Variants in GINS1 observed in about 807,000 individuals in gnomAD.
The protein encoded by GINS1 is DNA replication complex GINS protein PSF1.
Under a neutral mutation model 34.9 loss-of-function variants are expected in GINS1, and 26 were observed. That is an observed-to-expected ratio of 0.74 (90% CI 0.55 to 1.03). GINS1 has a LOEUF of 1.03. GINS1 is among the 50% of genes least tolerant of loss of function. The pLI, the probability that GINS1 is intolerant of heterozygous loss-of-function variation, is 0.00. For synonymous variants in GINS1, 97 were observed against 84.4 expected, an observed-to-expected ratio of 1.15 and a Z score of -0.82; for missense variants, 235 against 237.9, an observed-to-expected ratio of 0.99 and a Z score of 0.08.
At chr20:25,420,149 T>C (rs888923889) in intron 4 of GINS1, among the ~76,000 whole-genome samples, 1 of 152,068 alleles carries the variant, frequency 6.6e-6, no homozygotes, top group African/African-American at 2.4e-5. Context: ...TATATATTTT[T>C]TTGAGATGGA....
chr20:25,421,912 A>C (rs2090357769), intron 4 of GINS1, among the ~76,000 whole-genome samples: 1 of 152,188 alleles, frequency 6.6e-6, no homozygotes, highest in East Asian at 1.9e-4. Flanking sequence ...TGTTTGACTC[A>C]TTTGGCAAGA....
At chr20:25,431,657 G>A (rs1477881232) in intron 5 of GINS1, among the ~76,000 whole-genome samples, 5 of 147,550 alleles carry the variant, frequency 3.4e-5, no homozygotes, top group South Asian at 2.1e-4. Flanking sequence ...TTCATCCTCC[G>A]CCTCCAGGGT....
At chr20:25,414,046 C>G (rs948202665) in intron 2 of GINS1, among the ~76,000 whole-genome samples, 192 bp downstream of exon 2, 1 of 151,692 alleles carries the variant, frequency 6.6e-6, no homozygotes, top group African/African-American at 2.4e-5. Flanking sequence ...AAAAATTAAC[C>G]GGGTGTGGTA....
At chr20:25,432,204 T>C (rs1486545849) in intron 5 of GINS1, among the ~76,000 whole-genome samples, 1 of 152,112 alleles carries the variant, frequency 6.6e-6, no homozygotes, top group African/African-American at 2.4e-5. Context: ...ATGTAGGTGT[T>C]TATGTTTGTA....
chr20:25,429,613 C>T (rs2090415898), intron 5 of GINS1, among the ~76,000 whole-genome samples: 1 of 151,888 alleles, frequency 6.6e-6, no homozygotes, highest in African/African-American at 2.4e-5. Context: ...TTTTTATTTT[C>T]AGATTGTTCG....
intron 5 of GINS1, among the ~76,000 whole-genome samples, chr20:25,427,234 G>A (rs535498228): frequency 7.9e-5 from 12 of 152,094 alleles, no homozygotes; most frequent in African/African-American, 1.2e-4. Flanking sequence ...GCGCGATCTC[G>A]GCTCAACCTG....
intron 4 of GINS1, among the ~76,000 whole-genome samples, chr20:25,422,608 T>C (rs985730670): frequency 6.6e-6 from 1 of 151,940 alleles, no homozygotes; most frequent in Non-Finnish European, 1.5e-5. Context: ...ACAAAAAAAC[T>C]TGCCATTTAC....
chr20:25,407,807 G>A lies in GINS1; in HGVS notation c.-14G>A, dbSNP rs763863741. On this transcript the variant is annotated 5_prime_UTR_variant, in exon 1 of 7. Transcript: ENST00000262460. ...TGGTGGTTGGCAAGGCCGCGGGAGTGGGAAGCGTCCGCCATGTTCTGCGAA... is the reference window on the plus strand; with the variant it reads ...TGGTGGTTGGCAAGGCCGCGGGAGTAGGAAGCGTCCGCCATGTTCTGCGAA... 9.9e-6 allele frequency: 16 copies of A among 1,612,436 alleles called. No homozygotes were observed. The Admixed American group carries it at 2.3e-4, about 24-fold the overall frequency.
intron 4 of GINS1, among the ~76,000 whole-genome samples, chr20:25,420,135 T>A (rs1195322168): frequency 2.0e-5 from 3 of 151,966 alleles, no homozygotes; most frequent in Non-Finnish European, 2.9e-5. Context: ...GCAAATAAAA[T>A]ATATATATAT....
chr20:25,409,208 G>A (rs975597359), intron 1 of GINS1, among the ~76,000 whole-genome samples: 24 of 152,222 alleles, frequency 1.6e-4, no homozygotes, highest in Admixed American at 3.9e-4. Flanking sequence ...CACTTATAAG[G>A]CATGCTGGGA....
chr20:25,418,032 C>T, intron 3 of GINS1, 73 bp from the exon 4 acceptor site: 1 of 828,178 alleles, frequency 1.2e-6, no homozygotes, highest in Non-Finnish European at 2.2e-6. Context: ...GTGTTTGCAT[C>T]AGGGGCCAAA....
intron 5 of GINS1, among the ~76,000 whole-genome samples, chr20:25,439,689 T>C (rs2090472137): frequency 6.6e-6 from 1 of 152,128 alleles, no homozygotes; most frequent in Admixed American, 6.6e-5. Context: ...ACTAGATAGT[T>C]CATGATACTA....
chr20:25,411,852 A>G (rs2090287281), intron 1 of GINS1, among the ~76,000 whole-genome samples: 1 of 151,988 alleles, frequency 6.6e-6, no homozygotes. Context: ...AGGCAGGAGA[A>G]TCATTGCTTG....
At chr20:25,409,358 G>T (rs375697513) in intron 1 of GINS1, among the ~76,000 whole-genome samples, 1 of 152,350 alleles carries the variant, frequency 6.6e-6, no homozygotes, top group South Asian at 2.1e-4. Flanking sequence ...GATAGAGCAG[G>T]TGAGAGGTGT....
rs80329351 is a variant in GINS1, at chr20:25,427,637, C to T, written c.447+2310C>T. 3.6e-3 allele frequency among the ~76,000 whole-genome samples: 552 copies of T among 152,082 alleles called. 5 individuals are homozygous for T. The highest frequency in any genetic ancestry group is 0.01 in the Middle Eastern group (3 of 294). ...AGAAATGTTTATTCAAATAATTGGC[C>T]CCCTTTATGGGGCCCATTTTCAAAT... On this transcript the variant is annotated intron_variant, in intron 5 of 6. Coordinates refer to ENST00000262460, the MANE Select transcript of GINS1 (RefSeq NM_021067.5).
intron 1 of GINS1, among the ~76,000 whole-genome samples, chr20:25,412,610 C>G (rs2090293288): frequency 6.6e-6 from 1 of 152,084 alleles, no homozygotes; most frequent in Admixed American, 6.6e-5. Flanking sequence ...TTTCTTTATA[C>G]CTCATGCTTC....
intron 4 of GINS1, chr20:25,420,942 G>A: frequency 1.0e-6 from 1 of 982,972 alleles, no homozygotes; most frequent in Non-Finnish European, 1.2e-6. Context: ...ATTGCATCGT[G>A]GCAACTGCAT....
chr20:25,425,309 A>G lies in GINS1; in HGVS notation c.429A>G (p.Pro143=). The change falls in exon 5 of 7, where the codon CCA becomes CCG. Residue 143 remains proline (P), a synonymous_variant. Coordinates refer to ENST00000262460, the MANE Select transcript of GINS1 (RefSeq NM_021067.5). ...GLDITQDMKP[P]KSLYIEVRCL... is the part of the protein sequence containing the mutation. ...ACATTACACAGGATATGAAACCACC[A>G]AAAAGCCTATATATTGAAGTATGTA... 1 of 1,451,400 alleles carries G rather than the reference A, an allele frequency of 6.9e-7. No individual in the cohort carries two copies. Among genetic ancestry groups the G allele is most frequent in the South Asian group, 1.1e-5 (1 of 87,096 alleles). 89.9% of individuals were successfully genotyped at this position (1,451,400 alleles called of 1,614,324 possible). A position where few individuals can be genotyped will look rare whatever the true frequency, so the allele number is the denominator to read the frequency against.
At chr20:25,431,533 TTC>T (rs2090426659) in intron 5 of GINS1, among the ~76,000 whole-genome samples, 1 of 151,706 alleles carries the variant, frequency 6.6e-6, no homozygotes, top group Admixed American at 6.6e-5. Flanking sequence ...TTGTTTTTGT[TTC>T]TTTTTTCTTT....
Sources: gnomAD v4.1 joint callset for allele counts (sites outside exome capture counted in the v4.1 genomes callset) on GRCh38, gnomAD v4.1.1 for gene constraint, MANE v1.5 for transcripts, NCBI Gene and HGNC (gene_info 2026-07-23, HGNC 2026-07-21) for gene names.